NAALADL2: variants seen among roughly 807,000 people sequenced by gnomAD.
NAALADL2 encodes the protein N-acetylated alpha-linked acidic dipeptidase like 2, also known as inactive N-acetylated-alpha-linked acidic dipeptidase-like protein 2.
Under a neutral mutation model 87.2 loss-of-function variants are expected in NAALADL2, and 76 were observed. That is an observed-to-expected ratio of 0.87 (90% CI 0.72 to 1.05). The LOEUF is 1.05. NAALADL2 is among the 50% of genes least tolerant of loss of function. The pLI is 0.00. For synonymous variants in NAALADL2, 354 were observed against 331.0 expected (o/e 1.07, Z -0.75); for missense variants, 1,089 against 945.8 (o/e 1.15, Z -1.99).
chr3:175,060,245 C>G (rs535677693), intron 1 of NAALADL2, among the ~76,000 whole-genome samples: 2 of 152,298 alleles, frequency 1.3e-5, no homozygotes, highest in South Asian at 4.1e-4. Flanking sequence ...GGAAATCATA[C>G]TTGGATTTCA....
intron 1 of NAALADL2, among the ~76,000 whole-genome samples, chr3:174,445,013 T>G (rs3979585): frequency 0.46 from 68,166 of 147,630 alleles, 16,824 homozygotes; most frequent in East Asian, 0.88. Context: ...TGTTTGAGAT[T>G]TTTTTTTTTT....
chr3:175,156,599 G>A (rs1461273), intron 2 of NAALADL2, among the ~76,000 whole-genome samples: 26,790 of 151,998 alleles, frequency 0.18, 2,978 homozygotes, highest in African/African-American at 0.31. Flanking sequence ...GACATTTAAT[G>A]ATGAAATACT....
At chr3:175,492,686 A>G (rs990511310) in intron 9 of NAALADL2, among the ~76,000 whole-genome samples, 1 of 152,182 alleles carries the variant, frequency 6.6e-6, no homozygotes, top group Non-Finnish European at 1.5e-5. Context: ...GCACACACAT[A>G]TTCATATACA....
intron 10 of NAALADL2, among the ~76,000 whole-genome samples, chr3:175,600,461 T>C (rs1184435311): frequency 6.6e-6 from 1 of 150,906 alleles, no homozygotes; most frequent in East Asian, 2.0e-4. Context: ...AATATTTTTC[T>C]GAGCATTTTT....
intron 2 of NAALADL2, among the ~76,000 whole-genome samples, chr3:174,573,965 G>A (rs887075301): frequency 1.3e-5 from 2 of 152,282 alleles, no homozygotes; most frequent in Admixed American, 6.5e-5. Context: ...AGATGTACAC[G>A]TTTAGTTCTT....
At chr3:175,391,000 T>C (rs982393097) in intron 5 of NAALADL2, among the ~76,000 whole-genome samples, 3 of 152,204 alleles carry the variant, frequency 2.0e-5, no homozygotes, top group African/African-American at 7.2e-5. Flanking sequence ...GGCCTATTTC[T>C]GTCAGGGTGT....
chr3:174,571,888 A>G (rs1253477047), intron 2 of NAALADL2, among the ~76,000 whole-genome samples: 1 of 152,240 alleles, frequency 6.6e-6, no homozygotes, highest in Non-Finnish European at 1.5e-5. Context: ...TACATAAAGT[A>G]TTAGATCCCA....
At chr3:175,474,104 G>A (rs1484973192) in intron 9 of NAALADL2, among the ~76,000 whole-genome samples, 2 of 152,138 alleles carry the variant, frequency 1.3e-5, no homozygotes, top group Admixed American at 1.3e-4. Context: ...TTGTGGCTGG[G>A]GTAAGGTGGT....
chr3:174,640,154 C>G (rs1451326157), intron 2 of NAALADL2, among the ~76,000 whole-genome samples: 1 of 152,206 alleles, frequency 6.6e-6, no homozygotes, highest in African/African-American at 2.4e-5. Context: ...GTTTCTCAAT[C>G]ATGGGTGCCC....
At chr3:175,753,639 T>A in intron 12 of NAALADL2, among the ~76,000 whole-genome samples, 1 of 152,204 alleles carries the variant, frequency 6.6e-6, no homozygotes, top group East Asian at 1.9e-4. Flanking sequence ...TTCTTAAATA[T>A]GTATAGAATA....
At chr3:174,967,875 T>G (rs918467339) in intron 1 of NAALADL2, among the ~76,000 whole-genome samples, 1 of 152,076 alleles carries the variant, frequency 6.6e-6, no homozygotes, top group Admixed American at 6.6e-5. Flanking sequence ...AGTCTTGGGG[T>G]GGTTGTTATG....
intron 1 of NAALADL2, among the ~76,000 whole-genome samples, chr3:175,048,433 T>C (rs1279446279): frequency 6.6e-6 from 1 of 152,070 alleles, no homozygotes; most frequent in African/African-American, 2.4e-5. Flanking sequence ...GTTTTCGGTG[T>C]GCTTGCTGTG....
At chr3:175,318,483 T>C (rs943251721) in intron 4 of NAALADL2, among the ~76,000 whole-genome samples, 1 of 152,194 alleles carries the variant, frequency 6.6e-6, no homozygotes, top group Non-Finnish European at 1.5e-5. Context: ...GTTTTTATTT[T>C]TTTCCTCAAA....
At position 175,228,513 on chromosome 3, in the gene NAALADL2, GA is replaced by G. The variant is rs1233903663; in HGVS notation, c.546-5407del. Among the ~76,000 whole-genome samples, 143 of 141,564 alleles carry G rather than the reference GA, an allele frequency of 1.0e-3. 1 individual carries two copies. Among genetic ancestry groups the G allele is most frequent in the South Asian group, 1.5e-3 (7 of 4,520 alleles). 92.9% of individuals were successfully genotyped at this position (141,564 alleles called of 152,430 possible). The stretch of plus-strand genomic sequence containing the variant: ...CAGAATCATAAGAGAAATTCCCAAG[GA>G]AAAAAAAAAAGTACTATGGCAGATG... On this transcript the variant is annotated intron_variant, in intron 2 of 13. Transcript: ENST00000454872.
intron 2 of NAALADL2, among the ~76,000 whole-genome samples, chr3:174,611,089 G>C (rs924038694): frequency 6.7e-6 from 1 of 149,480 alleles, no homozygotes; most frequent in African/African-American, 2.5e-5. Flanking sequence ...ACTGCATGTT[G>C]TCACTCATAG....
chr3:175,198,561 AG>A (rs902631446), intron 2 of NAALADL2, among the ~76,000 whole-genome samples: 1 of 152,098 alleles, frequency 6.6e-6, no homozygotes, highest in African/African-American at 2.4e-5. Context: ...ATATATAGTT[AG>A]TACTCTTTTC....
chr3:175,441,798 CT>C (rs1219180090), intron 5 of NAALADL2, among the ~76,000 whole-genome samples: 1 of 152,116 alleles, frequency 6.6e-6, no homozygotes, highest in African/African-American at 2.4e-5. Flanking sequence ...CACCAGGCCC[CT>C]CTTTTATTTA....
At chr3:174,678,892 CTATT>C (rs1196907282) in intron 2 of NAALADL2, among the ~76,000 whole-genome samples, 1 of 152,178 alleles carries the variant, frequency 6.6e-6, no homozygotes, top group Non-Finnish European at 1.5e-5. Flanking sequence ...GAGAAGTCAA[CTATT>C]TATTACCTTA....
chr3:175,447,393 C>T lies in NAALADL2; in HGVS notation c.1234+21C>T, dbSNP rs1720877993. ...TAATGGTAAAGTATTTAATGTCGTT[C>T]TCTGTATTTTACAGTTTTTTTAAAG... On this transcript the variant is annotated intron_variant, in intron 6 of 13. Transcript: ENST00000454872. 8 of 1,508,834 alleles carry T rather than the reference C, an allele frequency of 5.3e-6. No individual in the cohort carries two copies. In the East Asian group the frequency reaches 1.7e-4, roughly 31 times the overall value. 93.5% of individuals were successfully genotyped at this position (1,508,834 alleles called of 1,614,324 possible).
Sources: gnomAD v4.1 joint callset for allele counts (sites outside exome capture counted in the v4.1 genomes callset) on GRCh38, gnomAD v4.1.1 for gene constraint, MANE v1.5 for transcripts, NCBI Gene and HGNC (gene_info 2026-07-23, HGNC 2026-07-21) for gene names.